The following EHMT1 variants were observed in gnomAD, a reference collection of about 807,000 sequenced individuals.
EHMT1 encodes euchromatic histone lysine methyltransferase 1.
Under a neutral mutation model 147.2 loss-of-function variants are expected in EHMT1, and 15 were observed. The ratio of observed to expected loss-of-function variants is 0.10; its 90% CI spans 0.07 to 0.16. The LOEUF is 0.16. EHMT1 is among the 10% of genes least tolerant of loss of function. The pLI, the probability that EHMT1 is intolerant of heterozygous loss-of-function variation, is 1.00. For synonymous variants in EHMT1, 795 were observed against 709.6 expected (o/e 1.12, Z -1.91); for missense variants, 1,587 against 1,772.4 (o/e 0.90, Z 1.88).
intron 10 of EHMT1, chr9:137,763,191 T>G (rs533786300): frequency 2.4e-5 from 9 of 367,760 alleles, no homozygotes; most frequent in African/African-American, 2.0e-4. Flanking sequence ...AACTGTGGTT[T>G]CCTGCAGGGC....
At chr9:137,647,409 C>T (rs1844975299) in intron 1 of EHMT1, among the ~76,000 whole-genome samples, 1 of 152,156 alleles carries the variant, frequency 6.6e-6, no homozygotes, top group South Asian at 2.1e-4. Context: ...AATGGCATTT[C>T]CCAGGAGACG....
intron 15 of EHMT1, chr9:137,784,358 C>T: frequency 1.6e-6 from 2 of 1,273,766 alleles, no homozygotes; most frequent in Admixed American, 3.7e-5. Flanking sequence ...TCATTGGGGC[C>T]CCCAGCCCCG....
intron 16 of EHMT1, 56 bp from the exon 17 acceptor site, chr9:137,798,757 T>C: frequency 4.9e-6 from 7 of 1,429,354 alleles, no homozygotes; most frequent in Non-Finnish European, 6.9e-6. Flanking sequence ...CACTCAGGGC[T>C]GGCACACCAG....
At chr9:137,827,569 C>T (rs1213278536) in intron 25 of EHMT1, among the ~76,000 whole-genome samples, 1 of 152,208 alleles carries the variant, frequency 6.6e-6, no homozygotes, top group African/African-American at 2.4e-5. Context: ...TGGGTCTGCC[C>T]CAGCCCTGGT....
rs899678086 is a variant in EHMT1, at chr9:137,830,100, C to CTT, written c.3541-4239_3541-4238dup. ...GTTAATGTGGGCTCATGGATTTTTA[C>CTT]TTTTTTTTTTTGTTTACATTTTTAC... On this transcript the variant is annotated intron_variant, in intron 25 of 26. Transcript: ENST00000460843. Among the ~76,000 whole-genome samples, 563 of 139,340 alleles carry CTT rather than the reference C, an allele frequency of 4.0e-3. 5 individuals are homozygous for CTT. Among genetic ancestry groups the CTT allele is most frequent in the African/African-American group, 0.014 (472 of 33,508 alleles). The allele number at this position is 139,340 out of a possible 152,430, so 91.4% of individuals were successfully genotyped here.
chr9:137,727,264 G>A (rs980469374), intron 3 of EHMT1, among the ~76,000 whole-genome samples: 3 of 152,316 alleles, frequency 2.0e-5, no homozygotes, highest in East Asian at 1.9e-4. Flanking sequence ...TTACAGGTGT[G>A]ACACACCACA....
At chr9:137,738,202 C>A (rs7047582) in intron 4 of EHMT1, among the ~76,000 whole-genome samples, 20,377 of 147,624 alleles carry the variant, frequency 0.14, 3,280 homozygotes, top group African/African-American at 0.4. Flanking sequence ...TCAAAAAAAA[C>A]AACAACAAAA....
At chr9:137,625,802 T>A (rs549431578) in intron 1 of EHMT1, among the ~76,000 whole-genome samples, 281 of 152,132 alleles carry the variant, frequency 1.8e-3, no homozygotes, top group African/African-American at 6.3e-3. Context: ...TCAATTTTTT[T>A]AATCGAATTT....
intron 16 of EHMT1, among the ~76,000 whole-genome samples, chr9:137,797,337 C>G (rs1027910910): frequency 6.6e-6 from 1 of 152,296 alleles, no homozygotes; most frequent in Middle Eastern, 3.4e-3. Context: ...TCCCCTCACC[C>G]CACCACTCTG....
At chr9:137,662,080 G>GC (rs991513075) in intron 1 of EHMT1, among the ~76,000 whole-genome samples, 82 of 152,302 alleles carry the variant, frequency 5.4e-4, no homozygotes, top group African/African-American at 1.9e-3. Context: ...GGGATTACAG[G>GC]CATGAGCCAC....
intron 4 of EHMT1, among the ~76,000 whole-genome samples, chr9:137,729,731 T>C (rs980206418): frequency 6.6e-6 from 1 of 152,204 alleles, no homozygotes; most frequent in African/African-American, 2.4e-5. Flanking sequence ...TTACTTTTTT[T>C]TCTGAGACAT....
chr9:137,759,457 G>A (rs1949637246), intron 9 of EHMT1, among the ~76,000 whole-genome samples: 1 of 152,222 alleles, frequency 6.6e-6, no homozygotes, highest in South Asian at 2.1e-4. Context: ...GGCACATGAA[G>A]GCCGTTCCAC....
rs1469584585 is a variant in EHMT1 at position 137,662,109 on chromosome 9, CTAT to C, written c.21+43063_21+43065del. Among the ~76,000 whole-genome samples the C allele has an allele frequency of 2.0e-5, 3 of 152,232 alleles. No individual in the cohort carries two copies. The East Asian group carries it at 5.8e-4, about 29-fold the overall frequency. On this transcript the variant is annotated intron_variant, in intron 1 of 26. Transcript: ENST00000460843. Reference sequence around the variant, plus strand: ...GAGCCACTGCGCCTGGCCAAGAAATCTATTAATGGGGTGAGTTACCCAACAATA... The same window carrying C: ...GAGCCACTGCGCCTGGCCAAGAAATCTAATGGGGTGAGTTACCCAACAATA...
chr9:137,620,617 T>G (rs1326284348), intron 1 of EHMT1, among the ~76,000 whole-genome samples: 1 of 152,102 alleles, frequency 6.6e-6, no homozygotes, highest in African/African-American at 2.4e-5. Context: ...GGTCTTGAAC[T>G]TTTGGACTCC....
rs115172360 is a variant in EHMT1, at chr9:137,728,692, C to T, written c.823+163C>T. The T allele has an allele frequency of 2.8e-3, 2,314 of 816,166 alleles. 31 individuals are homozygous for T. The African/African-American group carries it at 0.033, about 12-fold the overall frequency. 50.6% of individuals were successfully genotyped at this position (816,166 alleles called of 1,614,324 possible). On this transcript the variant is annotated intron_variant, in intron 4 of 26. Coordinates refer to ENST00000460843, the MANE Select transcript of EHMT1 (RefSeq NM_024757.5). ...GTGCTCGCCTGTATGCCTGAGGAGGCACACCTGACCTCTGCTCTAAGCCTT... is the reference window on the plus strand; with the variant it reads ...GTGCTCGCCTGTATGCCTGAGGAGGTACACCTGACCTCTGCTCTAAGCCTT...
At chr9:137,823,669 T>C (rs11788371) in intron 25 of EHMT1, among the ~76,000 whole-genome samples, 103,120 of 151,496 alleles carry the variant, frequency 0.68, 35,865 homozygotes, top group East Asian at 0.9. Flanking sequence ...CCTCGGCCTC[T>C]CAAAGTGCTG....
chr9:137,679,406 G>C (rs1941721503), intron 1 of EHMT1, among the ~76,000 whole-genome samples: 1 of 152,170 alleles, frequency 6.6e-6, no homozygotes, highest in East Asian at 1.9e-4. Flanking sequence ...CATCTCGGGT[G>C]GTCCTCAGTG....
rs1435357325 is a variant in EHMT1 at position 137,779,801 on chromosome 9, A to C, written c.2275+84A>C. 3.4e-6 allele frequency: 5 copies of C among 1,467,130 alleles called. No homozygotes were observed. The African/African-American group carries it at 7.0e-5, about 20-fold the overall frequency. 90.9% of individuals were successfully genotyped at this position (1,467,130 alleles called of 1,614,324 possible). A position where few individuals can be genotyped will look rare whatever the true frequency, so the allele number is the denominator to read the frequency against. Reference sequence around the variant, plus strand: ...CGAGAGCAGTTGTTACTCCTTCCTCAGGAGGCTGGTCTCGTTTTGGTTTTC... The same window carrying C: ...CGAGAGCAGTTGTTACTCCTTCCTCCGGAGGCTGGTCTCGTTTTGGTTTTC... On this transcript the variant is annotated intron_variant, in intron 14 of 26. Transcript: ENST00000460843.
rs780044713 is a variant in EHMT1, at chr9:137,811,612, T to C, written c.2864T>C (p.Val955Ala). The change falls in exon 19 of 27, where the codon GTC (valine) becomes GCC (alanine). Residue 955 changes from valine (V) to alanine (A), a missense_variant. By Grantham distance (64) the Val-to-Ala change is moderately conservative. This residue lies in a region of EHMT1 where 201 missense variants were observed against 350.1 expected (regional missense o/e 0.57). Coordinates refer to ENST00000460843, the MANE Select transcript of EHMT1 (RefSeq NM_024757.5). The part of the protein sequence containing the change: ...IAARENRYDC[V>A]VLFLSRDSDV... Reference sequence around the variant, plus strand: ...GCCCGGGAGAACCGCTACGACTGTGTCGTGTGAGTGCAGTGCTTCCCCCAG... The same window carrying C: ...GCCCGGGAGAACCGCTACGACTGTGCCGTGTGAGTGCAGTGCTTCCCCCAG... 1.1e-5 allele frequency: 18 copies of C among 1,600,864 alleles called. No homozygotes were observed. In the African/African-American group the frequency reaches 2.1e-4, roughly 19 times the overall value.
Sources: gnomAD v4.1 joint callset for allele counts (sites outside exome capture counted in the v4.1 genomes callset) on GRCh38, gnomAD v4.1.1 for gene constraint, gnomAD v4.1.1 regional missense constraint, MANE v1.5 for transcripts, NCBI Gene and HGNC (gene_info 2026-07-23, HGNC 2026-07-21) for gene names.